TYW1B: variants seen among roughly 807,000 people sequenced by gnomAD.
TYW1B encodes the protein tRNA-yW synthesizing protein 1 homolog B, also known as S-adenosyl-L-methionine-dependent tRNA 4-demethylwyosine synthase TYW1B.
In TYW1B, 73 loss-of-function variants were observed where a neutral mutation model predicts 86.9. The ratio of observed to expected loss-of-function variants is 0.84; its 90% CI spans 0.70 to 1.02. The LOEUF is 1.02. Among genes scored for constraint, TYW1B ranks in the 50% least tolerant of loss-of-function variants. TYW1B has a pLI of 0.00. For missense variants in TYW1B, 637 were observed against 827.4 expected, an observed-to-expected ratio of 0.77 and a Z score of 2.82; for synonymous variants, 248 against 292.8, an observed-to-expected ratio of 0.85 and a Z score of 1.56.
intron 6 of TYW1B, among the ~76,000 whole-genome samples, chr7:72,792,237 G>C (rs1446951912): frequency 1.3e-5 from 2 of 151,560 alleles, no homozygotes; most frequent in African/African-American, 4.9e-5. Context: ...TGAGGCAGGA[G>C]AATCACTTGA....
At chr7:72,818,578 CAAA>C (rs57325230) in intron 2 of TYW1B, among the ~76,000 whole-genome samples, 3 of 38,424 alleles carry the variant, frequency 7.8e-5, no homozygotes, top group African/African-American at 2.9e-4. Flanking sequence ...GACTCCATCT[CAAA>C]AAAAAAAAAA....
At chr7:72,714,794 G>C (rs1272590165) in intron 9 of TYW1B, among the ~76,000 whole-genome samples, 1 of 152,220 alleles carries the variant, frequency 6.6e-6, no homozygotes, top group Non-Finnish European at 1.5e-5. Flanking sequence ...GCGGATGCCA[G>C]TAATCCCAGC....
chr7:72,664,010 T>A (rs1396244519), intron 11 of TYW1B, among the ~76,000 whole-genome samples: 1 of 151,912 alleles, frequency 6.6e-6, no homozygotes, highest in Non-Finnish European at 1.5e-5. Flanking sequence ...CTCTCTTACA[T>A]CTTCTTTTCT....
chr7:72,708,200 A>T (rs1233949109), intron 10 of TYW1B, among the ~76,000 whole-genome samples: 2 of 152,144 alleles, frequency 1.3e-5, no homozygotes, highest in Admixed American at 1.3e-4. Flanking sequence ...AAGGTTTAGT[A>T]CCCTGAAAAA....
At chr7:72,601,117 G>A (rs1396053317) in intron 13 of TYW1B, among the ~76,000 whole-genome samples, 5 of 150,874 alleles carry the variant, frequency 3.3e-5, no homozygotes, top group African/African-American at 1.2e-4. Flanking sequence ...CTCCAGCTTG[G>A]GCAACAAGAG....
chr7:72,593,820 T>TAAAAAA (rs59821679), intron 13 of TYW1B, among the ~76,000 whole-genome samples: 6 of 43,688 alleles, frequency 1.4e-4, no homozygotes, highest in East Asian at 1.5e-3. Context: ...AGACTCCATC[T>TAAAAAA]AAAAAAAAAA....
Position 72,575,429 on chromosome 7 carries a change from G to T in TYW1B, c.*69C>A. 3 of 1,571,802 alleles carry T rather than the reference G, an allele frequency of 1.9e-6. No homozygotes were observed. The South Asian group carries it at 3.6e-5, about 19-fold the overall frequency. ...TACGTAATTCGTCCTTGGAGAATCAGAGTGGTGTTCAAGAACCTTTTGAGG... is the reference window on the plus strand; with the variant it reads ...TACGTAATTCGTCCTTGGAGAATCATAGTGGTGTTCAAGAACCTTTTGAGG... On this transcript the variant is annotated 3_prime_UTR_variant, in exon 14 of 14. Transcript: ENST00000620995.
intron 1 of TYW1B, 61 bp from the exon 2 acceptor site, chr7:72,827,046 T>C: frequency 6.6e-7 from 1 of 1,525,590 alleles, no homozygotes; most frequent in Non-Finnish European, 8.8e-7. Context: ...AAAGATATCC[T>C]TCCCGATTTT....
intron 9 of TYW1B, among the ~76,000 whole-genome samples, chr7:72,724,069 A>C (rs1786954838): frequency 6.6e-6 from 1 of 152,036 alleles, no homozygotes; most frequent in Non-Finnish European, 1.5e-5. Context: ...ATTTTCAAAA[A>C]TAATGGCTTG....
At chr7:72,738,084 C>CTT (rs1787230872) in intron 8 of TYW1B, among the ~76,000 whole-genome samples, 1 of 69,488 alleles carries the variant, frequency 1.4e-5, no homozygotes, top group Admixed American at 1.7e-4. Context: ...ATATTTCTTT[C>CTT]TTTCTTTTTT....
intron 2 of TYW1B, among the ~76,000 whole-genome samples, chr7:72,825,266 C>T (rs1266353451): frequency 6.6e-6 from 1 of 152,104 alleles, no homozygotes; most frequent in Non-Finnish European, 1.5e-5. Flanking sequence ...ACACTGTTCC[C>T]CCCCAAAAAA....
intron 11 of TYW1B, among the ~76,000 whole-genome samples, chr7:72,662,758 G>T (rs1171685854): frequency 6.6e-6 from 1 of 152,116 alleles, no homozygotes; most frequent in Non-Finnish European, 1.5e-5. Flanking sequence ...TGGCAAATGA[G>T]TTTTTGCCAT....
chr7:72,823,875 T>C (rs1388240633), intron 2 of TYW1B, among the ~76,000 whole-genome samples: 2 of 152,084 alleles, frequency 1.3e-5, no homozygotes, highest in African/African-American at 2.4e-5. Context: ...AGTTACAAGG[T>C]TTCTGGAGAG....
chr7:72,614,220 G>A (rs1236693450), intron 13 of TYW1B, among the ~76,000 whole-genome samples: 1 of 152,186 alleles, frequency 6.6e-6, no homozygotes, highest in Admixed American at 6.5e-5. Flanking sequence ...AGGAAGGAAA[G>A]AAGGGAATAC....
At chr7:72,656,101 G>C (rs1413862918) in intron 11 of TYW1B, among the ~76,000 whole-genome samples, 1 of 152,068 alleles carries the variant, frequency 6.6e-6, no homozygotes, top group African/African-American at 2.4e-5. Context: ...CCACTGACTG[G>C]CGCCTTACAA....
chr7:72,653,739 C>A (rs1813122153), intron 11 of TYW1B, among the ~76,000 whole-genome samples: 1 of 151,916 alleles, frequency 6.6e-6, no homozygotes, highest in African/African-American at 2.4e-5. Context: ...ATGATCATAT[C>A]AATTGACAAT....
intron 3 of TYW1B, among the ~76,000 whole-genome samples, chr7:72,814,377 G>T (rs1192976766): frequency 3.9e-5 from 6 of 152,002 alleles, no homozygotes; most frequent in Admixed American, 1.3e-4. Flanking sequence ...GAGGTCAGGA[G>T]ATCGAGACCA....
intron 13 of TYW1B, among the ~76,000 whole-genome samples, chr7:72,576,116 T>A (rs1393804076): frequency 6.6e-6 from 1 of 152,240 alleles, no homozygotes; most frequent in African/African-American, 2.4e-5. Context: ...TCTCGTGGAA[T>A]CCTTTTTAGA....
intron 3 of TYW1B, among the ~76,000 whole-genome samples, chr7:72,811,568 C>T (rs558959887): frequency 3.3e-5 from 5 of 151,834 alleles, no homozygotes; most frequent in African/African-American, 7.3e-5. Flanking sequence ...ACCATGTTCT[C>T]GGTTCATTAC....
Sources: allele counts gnomAD v4.1 joint callset (sites outside exome capture counted in the v4.1 genomes callset), GRCh38; gene constraint gnomAD v4.1.1; transcripts MANE v1.5; gene names NCBI Gene and HGNC (gene_info 2026-07-23, HGNC 2026-07-21).